CATSPER4: variants seen among roughly 807,000 people sequenced by gnomAD.
CATSPER4 encodes the protein cation channel sperm-associated protein 4.
In CATSPER4, 46 loss-of-function variants were observed where a neutral mutation model predicts 54.4. That is an observed-to-expected ratio of 0.84 (90% confidence interval 0.67 to 1.08). The LOEUF (loss-of-function observed/expected upper bound fraction) is 1.08, where lower values mean the gene tolerates loss of function less well. Ranked by LOEUF, CATSPER4 falls within the 50% of genes least tolerant of loss-of-function variation. The probability of loss-of-function intolerance (pLI) is 0.00; values close to 1 mark genes in which losing one functional copy is unlikely to be tolerated. For synonymous variants in CATSPER4, 230 were observed against 231.9 expected (o/e 0.99, Z 0.08); for missense variants, 574 against 612.8 (o/e 0.94, Z 0.67).
intron 2 of CATSPER4, among the ~76,000 whole-genome samples, chr1:26,193,272 T>C (rs970958887): frequency 2.6e-5 from 4 of 151,974 alleles, no homozygotes; most frequent in South Asian, 2.1e-4. Flanking sequence ...GACCCATGAG[T>C]GGCAGGATAC....
At chr1:26,197,857 G>T in intron 4 of CATSPER4, 74 bp downstream of exon 4, 1 of 1,609,114 alleles carries the variant, frequency 6.2e-7, no homozygotes, top group Non-Finnish European at 8.5e-7. Flanking sequence ...ATAACGACCA[G>T]CTGGAGATCA....
chr1:26,201,937 CCTT>C (rs955078985), intron 9 of CATSPER4, among the ~76,000 whole-genome samples: 3 of 152,150 alleles, frequency 2.0e-5, no homozygotes, highest in African/African-American at 7.2e-5. Flanking sequence ...GATCCACCCT[CCTT>C]GGCCTCCCAA....
chr1:26,200,409 T>A (rs976299770), intron 7 of CATSPER4, among the ~76,000 whole-genome samples: 4 of 152,182 alleles, frequency 2.6e-5, no homozygotes, highest in Non-Finnish European at 5.9e-5. Flanking sequence ...AAATGAACAG[T>A]GCTTGGCGCA....
At chr1:26,194,862 G>C (rs1333565884) in intron 3 of CATSPER4, among the ~76,000 whole-genome samples, 6 of 152,112 alleles carry the variant, frequency 3.9e-5, no homozygotes, top group African/African-American at 1.4e-4. Flanking sequence ...TGAGGTAAGA[G>C]GATCACTTGA....
At chr1:26,193,347 C>G (rs939501719) in intron 2 of CATSPER4, among the ~76,000 whole-genome samples, 3 of 152,084 alleles carry the variant, frequency 2.0e-5, no homozygotes, top group Non-Finnish European at 4.4e-5. Flanking sequence ...GAGGTTAGGA[C>G]AGATGGAGCT....
At position 26,198,279 on chromosome 1, in the gene CATSPER4, CT is replaced by C. The variant is rs1167467357; in HGVS notation, c.679-6del. 4 of 1,614,196 alleles carry C rather than the reference CT, an allele frequency of 2.5e-6. No homozygotes were observed. The South Asian group carries it at 4.4e-5, about 18-fold the overall frequency. On this transcript the variant is annotated splice_region_variant and splice_polypyrimidine_tract_variant and intron_variant, in intron 5 of 9. Transcript: ENST00000456354. ...AAGTCGGGGTGGGGCTCTTTTCTCTCTGACAGGTTTTTTCCGTGTTTGGAGT... is the reference window on the plus strand; with the variant it reads ...AAGTCGGGGTGGGGCTCTTTTCTCTCGACAGGTTTTTTCCGTGTTTGGAGT...
In CATSPER4 at chr1:26,198,094, GC is replaced by G. The variant is rs764051573; in HGVS notation, c.678+22del. The G allele has an allele frequency of 1.2e-5, 19 of 1,614,076 alleles. No individual in the cohort carries two copies. The highest frequency in any genetic ancestry group is 1.6e-4 in the Middle Eastern group (1 of 6,062). On this transcript the variant is annotated intron_variant, in intron 5 of 9. Transcript: ENST00000456354. ...TTCATGCTGGTCAGTGCCTGCCCCC[GC>G]CCCCAGCTGTTTCCCTTCCCTGAAC...
chr1:26,193,746 C>T (rs745586481), intron 2 of CATSPER4, 41 bp from the exon 3 acceptor site: 17 of 1,387,914 alleles, frequency 1.2e-5, no homozygotes, highest in Non-Finnish European at 1.6e-5. Context: ...CCCTGCTCCA[C>T]TGACCTCTCT....
intron 3 of CATSPER4, among the ~76,000 whole-genome samples, chr1:26,196,121 C>G (rs2124525458): frequency 6.8e-6 from 1 of 146,020 alleles, no homozygotes; most frequent in African/African-American, 2.5e-5. Context: ...ACATGGAGAT[C>G]TTTCTCATTT....
intron 2 of CATSPER4, 92 bp from the exon 3 acceptor site, chr1:26,193,695 C>T: frequency 1.2e-6 from 1 of 820,416 alleles, no homozygotes; most frequent in Non-Finnish European, 2.2e-6. Flanking sequence ...TACGGGACTT[C>T]CCTCCCCTAC....
chr1:26,200,965 G>A lies in CATSPER4; in HGVS notation c.1123G>A (p.Asp375Asn), dbSNP rs746135749. Residue 375 changes from aspartate (D) to asparagine (N), a missense_variant, in exon 8 of 10, where the codon GAC becomes AAC. Physicochemically the swap from Asp to Asn is conservative, Grantham distance 23 (BLOSUM62 1). Transcript: ENST00000456354. ...PLSNLSENTC[D>N]NFCLVLEAIQ... ...GTCGAACCTCTCAGAAAACACGTGTGACAACTTTTGCTTGGTGCTTGAGGC... is the reference window on the plus strand; with the variant it reads ...GTCGAACCTCTCAGAAAACACGTGTAACAACTTTTGCTTGGTGCTTGAGGC... 2 of 1,614,146 alleles carry A rather than the reference G, an allele frequency of 1.2e-6. No individual in the cohort carries two copies. Among genetic ancestry groups the A allele is most frequent in the Non-Finnish European group, 1.7e-6 (2 of 1,180,038 alleles).
intron 2 of CATSPER4, among the ~76,000 whole-genome samples, chr1:26,193,415 G>A (rs930281067): frequency 1.3e-5 from 2 of 152,110 alleles, no homozygotes; most frequent in Non-Finnish European, 2.9e-5. Context: ...AGGCTGTTCT[G>A]CCTCTCCTAC....
chr1:26,194,398 C>T (rs1327325702), intron 3 of CATSPER4, among the ~76,000 whole-genome samples: 1 of 152,170 alleles, frequency 6.6e-6, no homozygotes, highest in Non-Finnish European at 1.5e-5. Context: ...TCTGATTTTC[C>T]CTATTCACTT....
chr1:26,194,440 G>A (rs1338737215), intron 3 of CATSPER4, among the ~76,000 whole-genome samples: 2 of 152,226 alleles, frequency 1.3e-5, no homozygotes, highest in African/African-American at 2.4e-5. Flanking sequence ...TCATTCAGAT[G>A]TCTTCTCTTC....
intron 2 of CATSPER4, among the ~76,000 whole-genome samples, 157 bp downstream of exon 2, chr1:26,191,587 G>A (rs2088870014): frequency 6.6e-6 from 1 of 152,230 alleles, no homozygotes; most frequent in African/African-American, 2.4e-5. Flanking sequence ...GGAGATCAAG[G>A]AAGACTTCAT....
chr1:26,197,379 G>A (rs532618719), intron 3 of CATSPER4, among the ~76,000 whole-genome samples: 7 of 152,342 alleles, frequency 4.6e-5, no homozygotes, highest in African/African-American at 1.7e-4. Flanking sequence ...TGTAGGGCAA[G>A]GCTGTTTTGA....
rs1243125727 is a variant in CATSPER4, at chr1:26,201,498, T to G, written c.1344T>G (p.Ser448Arg). The change falls in exon 9 of 10, where the codon AGT (serine) becomes AGG (arginine). Residue 448 changes from serine to arginine, a missense_variant. Physicochemically the swap from Ser to Arg is moderately radical, Grantham distance 110 (BLOSUM62 -1). Coordinates refer to ENST00000456354, the MANE Select transcript of CATSPER4 (RefSeq NM_198137.2). ...RQMSQQQDLL[S>R]ALVSMEKVHD... ...TGTCTCAACAGCAAGACTTGCTCAG[T>G]GCGCTCGTTAGCATGGAAAAGGTGT... is the stretch of plus-strand genomic sequence containing the variant. 6.2e-7 allele frequency: 1 copy of G among 1,614,052 alleles called. No individual in the cohort carries two copies. The highest frequency in any genetic ancestry group is 1.3e-5 in the African/African-American group (1 of 75,024).
At chr1:26,194,975 C>T (rs1205620699) in intron 3 of CATSPER4, among the ~76,000 whole-genome samples, 2 of 152,150 alleles carry the variant, frequency 1.3e-5, no homozygotes, top group African/African-American at 2.4e-5. Flanking sequence ...ATCCCAGCTA[C>T]TTAGAGGCCG....
Position 26,198,319 on chromosome 1 carries a change from G to C in CATSPER4, c.712G>C (p.Ala238Pro). The C allele has an allele frequency of 2.5e-6, 4 of 1,614,212 alleles. No homozygotes were observed. The highest frequency in any genetic ancestry group is 3.4e-6 in the Non-Finnish European group (4 of 1,180,038). Reference sequence around the variant, plus strand: ...CGTGTTTGGAGTAACACTCTTTGGTGCATTCGTGCCCAAGCATTTCCAGAA... The same window carrying C: ...CGTGTTTGGAGTAACACTCTTTGGTCCATTCGTGCCCAAGCATTTCCAGAA... ...FSVFGVTLFG[A>P]FVPKHFQNIQ... is the part of the protein sequence containing the mutation. Residue 238 changes from alanine (A) to proline (P), a missense_variant, in exon 6 of 10, where the codon GCA (alanine) becomes CCA (proline). By Grantham distance (27) the Ala-to-Pro change is conservative (BLOSUM62 -1). Coordinates refer to ENST00000456354, the MANE Select transcript of CATSPER4 (RefSeq NM_198137.2).
Sources: allele counts gnomAD v4.1 joint callset (sites outside exome capture counted in the v4.1 genomes callset), GRCh38; gene constraint gnomAD v4.1.1; transcripts MANE v1.5; gene names NCBI Gene and HGNC (gene_info 2026-07-23, HGNC 2026-07-21).